Variants in SPON1 observed in about 807,000 individuals in gnomAD.
The protein encoded by SPON1 is spondin 1, also known as spondin-1.
In SPON1, 52 loss-of-function variants were observed where a neutral mutation model predicts 111.7. That is an observed-to-expected ratio of 0.47 (90% CI 0.37 to 0.59). The LOEUF (loss-of-function observed/expected upper bound fraction) is 0.59. Among genes scored for constraint, SPON1 ranks in the 20% least tolerant of loss-of-function variants. The pLI is 0.00. For synonymous variants in SPON1, 410 were observed against 395.8 expected, an observed-to-expected ratio of 1.04 and a Z score of -0.43; for missense variants, 957 against 1,068.5, an observed-to-expected ratio of 0.90 and a Z score of 1.46.
intron 9 of SPON1, 109 bp downstream of exon 9, chr11:14,255,896 AG>A: frequency 8.3e-7 from 1 of 1,204,898 alleles, no homozygotes; most frequent in Non-Finnish European, 1.1e-6. Context: ...AAAGCACCTC[AG>A]GATATGGAAT....
At chr11:14,180,837 C>A (rs1848229565) in intron 6 of SPON1, among the ~76,000 whole-genome samples, 1 of 152,174 alleles carries the variant, frequency 6.6e-6, no homozygotes, top group Non-Finnish European at 1.5e-5. Context: ...TTTCTTTGAT[C>A]TCTTGATTTT....
At position 14,044,627 on chromosome 11, in the gene SPON1, CAAAT is replaced by C. The variant is rs1466104218; in HGVS notation, c.479+2977_479+2980del. Among the ~76,000 whole-genome samples, 70 of 152,072 alleles carry C rather than the reference CAAAT, an allele frequency of 4.6e-4. 1 individual carries two copies. Among genetic ancestry groups the C allele is most frequent in the Non-Finnish European group, 1.6e-4 (11 of 67,976 alleles). ...ACCCCATCTCAAATAAATAAACAAA[CAAAT>C]AAAATCCATAGCATCTCTCTCAATT... On this transcript the variant is annotated intron_variant, in intron 3 of 15. Coordinates refer to ENST00000576479, the MANE Select transcript of SPON1 (RefSeq NM_006108.4).
chr11:14,003,380 C>T (rs1390249446), intron 2 of SPON1, among the ~76,000 whole-genome samples: 4 of 152,088 alleles, frequency 2.6e-5, no homozygotes, highest in Non-Finnish European at 4.4e-5. Flanking sequence ...GATGTTCTGC[C>T]CAGGCACAAA....
chr11:14,173,213 A>G (rs1338134581), intron 6 of SPON1, among the ~76,000 whole-genome samples: 1 of 151,516 alleles, frequency 6.6e-6, no homozygotes. Flanking sequence ...TTTTTCTCTA[A>G]ACTTCTCTTC....
At chr11:14,263,186 G>T in intron 15 of SPON1, 1 of 554,288 alleles carries the variant, frequency 1.8e-6, no homozygotes, top group Non-Finnish European at 3.1e-6. Flanking sequence ...ATTGGCGGTG[G>T]GGGTCATTTA....
chr11:13,984,486 G>A (rs577533161), intron 2 of SPON1, among the ~76,000 whole-genome samples: 2 of 152,154 alleles, frequency 1.3e-5, no homozygotes, highest in Non-Finnish European at 2.9e-5. Flanking sequence ...AGAAGGGTAA[G>A]AGAAGGTGAG....
chr11:14,166,927 C>T (rs1554931908), intron 6 of SPON1, among the ~76,000 whole-genome samples: 3 of 152,130 alleles, frequency 2.0e-5, no homozygotes, highest in African/African-American at 4.8e-5. Flanking sequence ...TTAAAGAGGA[C>T]CGAAACAAGA....
At chr11:14,192,882 T>C (rs1274202701) in intron 6 of SPON1, among the ~76,000 whole-genome samples, 2 of 151,914 alleles carry the variant, frequency 1.3e-5, no homozygotes, top group African/African-American at 4.8e-5. Context: ...CCAGAGATGC[T>C]GGTGAGTGAA....
intron 2 of SPON1, among the ~76,000 whole-genome samples, chr11:14,008,251 G>T (rs1848378671): frequency 6.6e-6 from 1 of 152,178 alleles, no homozygotes; most frequent in Non-Finnish European, 1.5e-5. Context: ...TATATGGGAG[G>T]AGTAGCTGTG....
chr11:14,201,916 AT>A (rs1160794681), intron 6 of SPON1, among the ~76,000 whole-genome samples: 1 of 151,918 alleles, frequency 6.6e-6, no homozygotes, highest in Admixed American at 6.6e-5. Flanking sequence ...TGGAGAAGTC[AT>A]TTTTTTTCCT....
chr11:14,036,751 CA>C (rs1848597269), intron 2 of SPON1, among the ~76,000 whole-genome samples: 1 of 151,318 alleles, frequency 6.6e-6, no homozygotes, highest in African/African-American at 2.4e-5. Flanking sequence ...TGAGCAAGTT[CA>C]AATTTAAAGG....
chr11:14,132,214 G>C (rs1377203894), intron 5 of SPON1, among the ~76,000 whole-genome samples: 9 of 152,004 alleles, frequency 5.9e-5, no homozygotes, highest in African/African-American at 2.2e-4. Context: ...GGAGGCAGAG[G>C]TTGCAGTGAG....
intron 6 of SPON1, among the ~76,000 whole-genome samples, chr11:14,173,823 A>C (rs1848139404): frequency 1.3e-5 from 2 of 152,202 alleles, no homozygotes; most frequent in Admixed American, 1.3e-4. Context: ...GTGAACCGCA[A>C]ACGTTTCTGC....
chr11:14,221,651 A>G (rs1391261980), intron 6 of SPON1, among the ~76,000 whole-genome samples: 3 of 152,072 alleles, frequency 2.0e-5, no homozygotes, highest in Non-Finnish European at 4.4e-5. Flanking sequence ...TGTCCTCCAA[A>G]TCTCTTCTTC....
chr11:14,183,511 T>C (rs1224988082), intron 6 of SPON1, among the ~76,000 whole-genome samples: 1 of 152,234 alleles, frequency 6.6e-6, no homozygotes, highest in Non-Finnish European at 1.5e-5. Flanking sequence ...CAGTAAGTTT[T>C]CTCCCCTATT....
At chr11:14,217,081 T>C (rs1164063210) in intron 6 of SPON1, among the ~76,000 whole-genome samples, 1 of 152,218 alleles carries the variant, frequency 6.6e-6, no homozygotes, top group Non-Finnish European at 1.5e-5. Context: ...AGGTGTTTGC[T>C]GGACTTTCTT....
chr11:14,181,442 C>A (rs969031882), intron 6 of SPON1, among the ~76,000 whole-genome samples: 7 of 152,160 alleles, frequency 4.6e-5, no homozygotes, highest in Admixed American at 2.0e-4. Flanking sequence ...TTCCAGCCAA[C>A]CACCTATGAC....
At chr11:13,999,989 G>T (rs1329143460) in intron 2 of SPON1, among the ~76,000 whole-genome samples, 1 of 152,046 alleles carries the variant, frequency 6.6e-6, no homozygotes, top group Non-Finnish European at 1.5e-5. Flanking sequence ...TGCAAATCCT[G>T]TTCTCATAAA....
At chr11:14,141,145 C>T (rs374387446) in intron 6 of SPON1, among the ~76,000 whole-genome samples, 6 of 152,082 alleles carry the variant, frequency 3.9e-5, no homozygotes, top group Non-Finnish European at 5.9e-5. Context: ...CAGCTCACCA[C>T]GCACTAGCTC....
Sources: gnomAD v4.1 joint callset for allele counts (sites outside exome capture counted in the v4.1 genomes callset) on GRCh38, gnomAD v4.1.1 for gene constraint, MANE v1.5 for transcripts, NCBI Gene and HGNC (gene_info 2026-07-23, HGNC 2026-07-21) for gene names.